PARD3: variants seen among roughly 807,000 people sequenced by gnomAD.
The protein encoded by PARD3 is par-3 family cell polarity regulator.
Under a neutral mutation model 155.4 loss-of-function variants are expected in PARD3, and 75 were observed. The ratio of observed to expected loss-of-function variants is 0.48; its 90% confidence interval spans 0.40 to 0.58. PARD3 has a LOEUF of 0.58. Among genes scored for constraint, PARD3 ranks in the 20% least tolerant of loss-of-function variants. The pLI, the probability that PARD3 is intolerant of heterozygous loss-of-function variation, is 0.00. For missense variants in PARD3, 1,642 were observed against 1,721.7 expected (o/e 0.95, Z 0.82); for synonymous variants, 576 against 610.5 (o/e 0.94, Z 0.83).
At chr10:34,762,629 G>C (rs1021175361) in intron 1 of PARD3, among the ~76,000 whole-genome samples, 8 of 151,990 alleles carry the variant, frequency 5.3e-5, no homozygotes, top group Non-Finnish European at 1.0e-4. Flanking sequence ...TTTTTAAAAG[G>C]CTCTATCTAT....
At chr10:34,580,107 G>A (rs927681772) in intron 2 of PARD3, among the ~76,000 whole-genome samples, 3 of 151,640 alleles carry the variant, frequency 2.0e-5, no homozygotes, top group Non-Finnish European at 4.4e-5. Flanking sequence ...TAGAGATGAG[G>A]TTTCACCATG....
chr10:34,799,816 C>G (rs531219711), intron 1 of PARD3, among the ~76,000 whole-genome samples: 67 of 140,952 alleles, frequency 4.8e-4, no homozygotes, highest in African/African-American at 1.8e-3. Context: ...TAAAGTAAAA[C>G]CTCATCTCTA....
At chr10:34,130,150 G>A (rs1394378118) in intron 23 of PARD3, among the ~76,000 whole-genome samples, 2 of 151,920 alleles carry the variant, frequency 1.3e-5, no homozygotes, top group Non-Finnish European at 2.9e-5. Context: ...CTGAACTATC[G>A]CCTCTACTTC....
At chr10:34,491,365 C>T (rs2079893440) in intron 3 of PARD3, among the ~76,000 whole-genome samples, 1 of 152,186 alleles carries the variant, frequency 6.6e-6, no homozygotes, top group Non-Finnish European at 1.5e-5. Flanking sequence ...TGAGGGATTT[C>T]CACTACTTCT....
intron 2 of PARD3, among the ~76,000 whole-genome samples, chr10:34,657,913 G>A (rs891728561): frequency 3.9e-5 from 6 of 151,980 alleles, no homozygotes; most frequent in Admixed American, 6.6e-5. Flanking sequence ...TTGGGAGGCC[G>A]AGGTGGGCGG....
At chr10:34,776,905 C>T in intron 1 of PARD3, among the ~76,000 whole-genome samples, 1 of 149,516 alleles carries the variant, frequency 6.7e-6, no homozygotes, top group Non-Finnish European at 1.5e-5. Flanking sequence ...GGCACAATCT[C>T]AGCTCACTGC....
At chr10:34,525,896 C>A (rs2082441805) in intron 2 of PARD3, among the ~76,000 whole-genome samples, 1 of 151,598 alleles carries the variant, frequency 6.6e-6, no homozygotes, top group Admixed American at 6.6e-5. Flanking sequence ...TCCTGGCCAA[C>A]ATGGTGAAAC....
chr10:34,262,199 C>T (rs1021029647), intron 22 of PARD3, among the ~76,000 whole-genome samples: 3 of 152,018 alleles, frequency 2.0e-5, no homozygotes, highest in African/African-American at 7.2e-5. Flanking sequence ...GCTCCAGGGT[C>T]TTTCTACATA....
In PARD3 at chr10:34,233,737, T is replaced by C. The variant is rs139079910; in HGVS notation, c.3419+35920A>G. ...CTAGGTTTAAAATCGCTCTCTCGTC[T>C]ATTTATTTCTATCCCATCCCACCTC... On this transcript the variant is annotated intron_variant, in intron 22 of 24. Transcript: ENST00000374788. Among the ~76,000 whole-genome samples, 121 of 152,224 alleles carry C rather than the reference T, an allele frequency of 7.9e-4. 2 individuals carry two copies. In the South Asian group the frequency reaches 9.5e-3, roughly 12 times the overall value.
chr10:34,791,775 G>A (rs1225918628), intron 1 of PARD3, among the ~76,000 whole-genome samples: 1 of 151,798 alleles, frequency 6.6e-6, no homozygotes, highest in Non-Finnish European at 1.5e-5. Context: ...AGGAGGTCGA[G>A]GCTACAGTGA....
intron 1 of PARD3, among the ~76,000 whole-genome samples, chr10:34,771,239 C>A (rs1275449781): frequency 6.6e-6 from 1 of 152,206 alleles, no homozygotes; most frequent in African/African-American, 2.4e-5. Context: ...ATGTGCTGGG[C>A]ACAATGGTTA....
intron 3 of PARD3, among the ~76,000 whole-genome samples, chr10:34,484,527 T>C (rs1247174368): frequency 6.6e-6 from 1 of 152,148 alleles, no homozygotes; most frequent in Non-Finnish European, 1.5e-5. Context: ...TTTGTTGTTG[T>C]TGTTTGTTGT....
At chr10:34,206,420 T>G (rs1228859938) in intron 22 of PARD3, among the ~76,000 whole-genome samples, 1 of 152,228 alleles carries the variant, frequency 6.6e-6, no homozygotes. Flanking sequence ...ATGGCCTTCC[T>G]TGGGCTACTA....
intron 2 of PARD3, among the ~76,000 whole-genome samples, chr10:34,585,356 C>G (rs889209900): frequency 6.6e-6 from 1 of 152,016 alleles, no homozygotes; most frequent in African/African-American, 2.4e-5. Context: ...TGCTTTAGTC[C>G]TGCACCCATT....
At chr10:34,212,979 C>T (rs985210613) in intron 22 of PARD3, among the ~76,000 whole-genome samples, 5 of 152,302 alleles carry the variant, frequency 3.3e-5, no homozygotes, top group Admixed American at 2.6e-4. Flanking sequence ...TAAAAATTCA[C>T]TGGCTTCTCT....
At chr10:34,789,715 C>T (rs1169135769) in intron 1 of PARD3, among the ~76,000 whole-genome samples, 2 of 150,024 alleles carry the variant, frequency 1.3e-5, no homozygotes. Context: ...ACCCGCCCCC[C>T]CAAAAAAATA....
At chr10:34,586,607 G>A (rs570436440) in intron 2 of PARD3, among the ~76,000 whole-genome samples, 32 of 152,242 alleles carry the variant, frequency 2.1e-4, no homozygotes, top group African/African-American at 7.5e-4. Flanking sequence ...AGAAAATTTT[G>A]TTTCTAGCCA....
rs114949631 is a variant in PARD3 at position 34,118,344 on chromosome 10, T to G, written c.3668+1269A>C. On this transcript the variant is annotated intron_variant, in intron 24 of 24. Coordinates refer to ENST00000374788, the MANE Select transcript of PARD3 (RefSeq NM_001184785.2). ...TGGTTGTTACAGTGATTATTTAACA[T>G]GTAAAGAAATTCATCTTTTCGAAAC... 5.1e-3 allele frequency among the ~76,000 whole-genome samples: 775 copies of G among 152,274 alleles called. 7 individuals are homozygous for G. The highest frequency in any genetic ancestry group is 0.017 in the African/African-American group (726 of 41,544).
intron 2 of PARD3, among the ~76,000 whole-genome samples, chr10:34,616,862 G>A (rs549939663): frequency 6.6e-6 from 1 of 151,318 alleles, no homozygotes; most frequent in East Asian, 1.9e-4. Flanking sequence ...ATGAGCATGG[G>A]AGGTGGAGGC....
Sources: gnomAD v4.1 joint callset for allele counts (sites outside exome capture counted in the v4.1 genomes callset) on GRCh38, gnomAD v4.1.1 for gene constraint, MANE v1.5 for transcripts, NCBI Gene and HGNC (gene_info 2026-07-23, HGNC 2026-07-21) for gene names.